Variants in TRANK1 observed in about 807,000 individuals in gnomAD.
The protein encoded by TRANK1 is TPR and ankyrin repeat-containing protein 1.
A neutral mutation model predicts 266.0 loss-of-function variants in TRANK1; 198 were observed. The ratio of observed to expected loss-of-function variants is 0.74; its 90% confidence interval spans 0.66 to 0.84. TRANK1 has a LOEUF of 0.84. Ranked by LOEUF, TRANK1 falls within the 40% of genes least tolerant of loss-of-function variation. The pLI is 0.00. For missense variants in TRANK1, 3,326 were observed against 3,634.6 expected, an observed-to-expected ratio of 0.92 and a Z score of 2.18; for synonymous variants, 1,396 against 1,384.1, an observed-to-expected ratio of 1.01 and a Z score of -0.19.
chr3:36,885,732 C>T (rs1039280746), intron 8 of TRANK1, among the ~76,000 whole-genome samples: 1 of 152,014 alleles, frequency 6.6e-6, no homozygotes, highest in Non-Finnish European at 1.5e-5. Context: ...TAGAGACAGG[C>T]TCTCACTATG....
intron 1 of TRANK1, among the ~76,000 whole-genome samples, chr3:36,943,362 ATAGG>A (rs1227589033): frequency 6.6e-6 from 1 of 152,142 alleles, no homozygotes; most frequent in Non-Finnish European, 1.5e-5. Flanking sequence ...TTATATACAT[ATAGG>A]TGGGTGGGTG....
intron 2 of TRANK1, among the ~76,000 whole-genome samples, chr3:36,907,560 G>C (rs1353934255): frequency 6.7e-6 from 1 of 150,138 alleles, no homozygotes; most frequent in Non-Finnish European, 1.5e-5. Flanking sequence ...CACCTCCCGG[G>C]TTCACGCTAT....
rs375370078 is a variant in TRANK1, at chr3:36,832,943, G to T, written c.6640C>A (p.Arg2214=). 3.1e-6 allele frequency: 5 copies of T among 1,612,220 alleles called. No homozygotes were observed. In the African/African-American group the frequency reaches 5.3e-5, roughly 17 times the overall value. ...ENCEHFHRPL[R]RCEAKCLVQS... ...ACTAAACACTTGGCTTCACAACGCCGCAGAGGCCTGTGAAAATGTTCACAG... is the reference window on the plus strand; with the variant it reads ...ACTAAACACTTGGCTTCACAACGCCTCAGAGGCCTGTGAAAATGTTCACAG... Residue 2214 remains arginine (R), a synonymous_variant, in exon 22 of 24, where the codon CGG becomes AGG. Transcript: ENST00000645898.
intron 9 of TRANK1, among the ~76,000 whole-genome samples, chr3:36,869,862 G>C (rs1223660421): frequency 6.6e-6 from 1 of 152,220 alleles, no homozygotes; most frequent in Non-Finnish European, 1.5e-5. Context: ...TATCATATCA[G>C]ACAGAATAGG....
intron 17 of TRANK1, among the ~76,000 whole-genome samples, chr3:36,844,706 T>C (rs1394396288): frequency 6.6e-6 from 1 of 152,204 alleles, no homozygotes; most frequent in Non-Finnish European, 1.5e-5. Context: ...AAGCTATGTT[T>C]TGTTTTTTTA....
At chr3:36,875,783 ATG>A (rs2079379719) in intron 8 of TRANK1, among the ~76,000 whole-genome samples, 1 of 152,182 alleles carries the variant, frequency 6.6e-6, no homozygotes. Flanking sequence ...TTTTATTTTT[ATG>A]TTTAACAATT....
At chr3:36,873,889 G>A (rs556148902) in intron 9 of TRANK1, among the ~76,000 whole-genome samples, 1 of 148,356 alleles carries the variant, frequency 6.7e-6, no homozygotes, top group East Asian at 2.0e-4. Context: ...CTGTCAAAAG[G>A]TGGACTTGAA....
intron 15 of TRANK1, chr3:36,851,090 C>T (rs2078979150): frequency 1.0e-6 from 1 of 985,350 alleles, no homozygotes. Context: ...GGGAGAAAAA[C>T]CCACAAGGAC....
chr3:36,855,642 G>A lies in TRANK1; in HGVS notation c.4080C>T (p.Ala1360=). The A allele has an allele frequency of 1.9e-6, 3 of 1,613,760 alleles. No individual in the cohort carries two copies. The South Asian group carries it at 3.3e-5, about 18-fold the overall frequency. The change falls in exon 13 of 24, where the codon GCC becomes GCT. Residue 1360 remains alanine, a synonymous_variant. Transcript: ENST00000645898. ...TGAGTCTCCCATGGGGACAGCTGAGGGCCTCAAAAGAACCCTTTAGAAAAG... is the reference window on the plus strand; with the variant it reads ...TGAGTCTCCCATGGGGACAGCTGAGAGCCTCAAAAGAACCCTTTAGAAAAG... ...IKSFLKGSFE[A]LSCPHGRLTE...
intron 8 of TRANK1, among the ~76,000 whole-genome samples, chr3:36,886,415 C>T (rs1374386670): frequency 6.6e-6 from 1 of 151,926 alleles, no homozygotes; most frequent in Non-Finnish European, 1.5e-5. Flanking sequence ...CCAGCCAGCC[C>T]TCTCTTTACG....
chr3:36,939,146 T>A (rs2125671529), intron 1 of TRANK1, among the ~76,000 whole-genome samples: 1 of 151,416 alleles, frequency 6.6e-6, no homozygotes, highest in Non-Finnish European at 1.5e-5. Flanking sequence ...CATAAATAAA[T>A]AAATAAATAA....
intron 9 of TRANK1, among the ~76,000 whole-genome samples, chr3:36,865,332 T>C (rs2079200922): frequency 6.6e-6 from 1 of 152,160 alleles, no homozygotes; most frequent in Admixed American, 6.5e-5. Context: ...AGCATGCTTC[T>C]TGTTTTAAGC....
rs547090036 is a variant in TRANK1, at chr3:36,934,524, C to T, written c.23+10263G>A. ...AGTGACCTGCCTGTTTCATCCTTCT[C>T]TACAGCTGCACATTAGACAAGGGTC... On this transcript the variant is annotated intron_variant, in intron 1 of 23. Coordinates refer to ENST00000645898, the MANE Select transcript of TRANK1 (RefSeq NM_001329998.2). Among the ~76,000 whole-genome samples the T allele has an allele frequency of 3.3e-5, 5 of 152,304 alleles. 1 individual carries two copies. The South Asian group carries it at 1.0e-3, about 32-fold the overall frequency.
At chr3:36,945,475 C>G (rs1299230505), upstream of TRANK1, among the ~76,000 whole-genome samples, 1 of 152,190 alleles carries the variant, frequency 6.6e-6, no homozygotes, top group Non-Finnish European at 1.5e-5. Context: ...TGTGCTTGCC[C>G]CTCCACTCTG....
chr3:36,853,979 C>T (rs989708439), intron 13 of TRANK1, among the ~76,000 whole-genome samples: 4 of 152,158 alleles, frequency 2.6e-5, no homozygotes, highest in African/African-American at 9.7e-5. Context: ...CATTAAAAAA[C>T]ACTAAACTGA....
At chr3:36,912,574 C>T (rs1372313537) in intron 1 of TRANK1, among the ~76,000 whole-genome samples, 1 of 152,198 alleles carries the variant, frequency 6.6e-6, no homozygotes, top group Non-Finnish European at 1.5e-5. Flanking sequence ...TTGTTGGAAG[C>T]TGTCACAGGC....
chr3:36,855,704 C>A lies in TRANK1; in HGVS notation c.4018G>T (p.Ala1340Ser), dbSNP rs1355992461. 8 of 1,613,644 alleles carry A rather than the reference C, an allele frequency of 5.0e-6. No homozygotes were observed. In the African/African-American group the frequency reaches 6.7e-5, roughly 13 times the overall value. ...IWPKMTKGRTAYNPALIWKEI... is the reference protein window; with the variant it reads ...IWPKMTKGRTSYNPALIWKEI... ...TTCCAAATCAGTGCAGGGTTGTAGG[C>A]AGTCCTCCCTTTGGTCATTTTGGGC... Residue 1340 changes from alanine (A) to serine (S), a missense_variant, in exon 13 of 24, where the codon GCC (alanine) becomes TCC (serine). Physicochemically the swap from Ala to Ser is moderately conservative, Grantham distance 99. Coordinates refer to ENST00000645898, the MANE Select transcript of TRANK1 (RefSeq NM_001329998.2).
chr3:36,939,168 C>T (rs1559483377), intron 1 of TRANK1, among the ~76,000 whole-genome samples: 1 of 150,978 alleles, frequency 6.6e-6, no homozygotes, highest in East Asian at 1.9e-4. Flanking sequence ...TAACACAGAG[C>T]TGTGTGTATA....
chr3:36,866,194 T>C (rs918037168), intron 9 of TRANK1, among the ~76,000 whole-genome samples: 1 of 152,148 alleles, frequency 6.6e-6, no homozygotes, highest in Non-Finnish European at 1.5e-5. Flanking sequence ...TAAAATGGAA[T>C]CTTACTGAAC....
Sources: gnomAD v4.1 joint callset for allele counts (sites outside exome capture counted in the v4.1 genomes callset) on GRCh38, gnomAD v4.1.1 for gene constraint, MANE v1.5 for transcripts, NCBI Gene and HGNC (gene_info 2026-07-23, HGNC 2026-07-21) for gene names.